Variants in RGS7 observed in about 807,000 individuals in gnomAD.
RGS7 encodes the protein regulator of G-protein signaling 7.
Under a neutral mutation model 81.1 loss-of-function variants are expected in RGS7, and 27 were observed. The ratio of observed to expected loss-of-function variants is 0.33; its 90% CI spans 0.25 to 0.46. The LOEUF is 0.46. Ranked by LOEUF, RGS7 falls within the 20% of genes least tolerant of loss-of-function variation. The pLI, the probability that RGS7 is intolerant of heterozygous loss-of-function variation, is 1.00. For synonymous variants in RGS7, 208 were observed against 207.7 expected (o/e 1.00, Z -0.01); for missense variants, 396 against 607.4 (o/e 0.65, Z 3.66).
intron 2 of RGS7, among the ~76,000 whole-genome samples, chr1:241,274,604 T>A (rs931460635): frequency 1.3e-5 from 2 of 152,184 alleles, no homozygotes; most frequent in Admixed American, 1.3e-4. Flanking sequence ...AAAAGTAAAC[T>A]CTAATGTATT....
At chr1:241,207,010 C>A (rs1023301684) in intron 2 of RGS7, among the ~76,000 whole-genome samples, 1 of 131,888 alleles carries the variant, frequency 7.6e-6, no homozygotes, top group Non-Finnish European at 1.6e-5. Context: ...GCTCTGTTGC[C>A]CAGGCTGGAG....
intron 3 of RGS7, among the ~76,000 whole-genome samples, chr1:241,015,647 T>A (rs2148673886): frequency 6.6e-6 from 1 of 152,326 alleles, no homozygotes; most frequent in East Asian, 1.9e-4. Context: ...CAATTTTGTA[T>A]TCCAATTTTA....
At chr1:241,108,213 G>A (rs2065258264) in intron 2 of RGS7, among the ~76,000 whole-genome samples, 1 of 144,986 alleles carries the variant, frequency 6.9e-6, no homozygotes, top group African/African-American at 2.6e-5. Flanking sequence ...TGAGGCAGAA[G>A]AATCGCTTGA....
At chr1:240,938,416 C>T (rs1433908903) in intron 4 of RGS7, among the ~76,000 whole-genome samples, 1 of 152,178 alleles carries the variant, frequency 6.6e-6, no homozygotes, top group East Asian at 1.9e-4. Flanking sequence ...ATATCTCCAG[C>T]CATCAACCAT....
At chr1:241,284,826 G>T (rs1000869466) in intron 2 of RGS7, among the ~76,000 whole-genome samples, 1 of 152,112 alleles carries the variant, frequency 6.6e-6, no homozygotes. Context: ...CTGGAGTAAA[G>T]TGGTTATTAT....
intron 2 of RGS7, chr1:241,132,366 G>A (rs926583550): frequency 6.5e-6 from 1 of 154,676 alleles, no homozygotes; most frequent in Non-Finnish European, 1.5e-5. Context: ...TTCATTTATG[G>A]AGCACCTATG....
chr1:240,836,622 A>G (rs979748825), intron 9 of RGS7, among the ~76,000 whole-genome samples: 13 of 152,224 alleles, frequency 8.5e-5, no homozygotes, highest in Non-Finnish European at 1.5e-4. Context: ...TTTACATACA[A>G]TGTTTGTATT....
intron 3 of RGS7, among the ~76,000 whole-genome samples, chr1:241,060,536 A>G (rs921776247): frequency 1.3e-5 from 2 of 152,152 alleles, no homozygotes; most frequent in African/African-American, 4.8e-5. Flanking sequence ...AGAAACTGAG[A>G]AGTTTCCCTA....
At chr1:241,343,514 C>T (rs1391804388) in intron 2 of RGS7, among the ~76,000 whole-genome samples, 1 of 152,162 alleles carries the variant, frequency 6.6e-6, no homozygotes, top group Non-Finnish European at 1.5e-5. Flanking sequence ...AATTCTGGCA[C>T]ATGTTACAAC....
chr1:240,946,451 T>TA (rs1678622872), intron 4 of RGS7, among the ~76,000 whole-genome samples: 1 of 151,812 alleles, frequency 6.6e-6, no homozygotes, highest in Admixed American at 6.6e-5. Context: ...AAAAGTTTCT[T>TA]AAAAAATTAG....
At chr1:240,822,266 T>C (rs558770966) in intron 10 of RGS7, among the ~76,000 whole-genome samples, 1 of 152,200 alleles carries the variant, frequency 6.6e-6, no homozygotes, top group Non-Finnish European at 1.5e-5. Flanking sequence ...TATTTACTCT[T>C]AAAAAAGAAG....
At chr1:240,919,452 A>T (rs1673138273) in intron 6 of RGS7, among the ~76,000 whole-genome samples, 1 of 152,216 alleles carries the variant, frequency 6.6e-6, no homozygotes, top group Admixed American at 6.5e-5. Context: ...AACCCATCAC[A>T]TCAACAGGCT....
At chr1:240,785,762 A>G (rs1294088624) in intron 18 of RGS7, among the ~76,000 whole-genome samples, 7 of 152,220 alleles carry the variant, frequency 4.6e-5, no homozygotes, top group Non-Finnish European at 8.8e-5. Flanking sequence ...CTAAGAAGGA[A>G]TTCAAGCTAG....
chr1:241,158,345 G>A (rs1017547387), intron 2 of RGS7, among the ~76,000 whole-genome samples: 1 of 152,108 alleles, frequency 6.6e-6, no homozygotes, highest in Admixed American at 6.5e-5. Context: ...AACATCCAAT[G>A]GGTGGATATT....
At chr1:241,178,806 G>T (rs2071366037) in intron 2 of RGS7, among the ~76,000 whole-genome samples, 1 of 152,204 alleles carries the variant, frequency 6.6e-6, no homozygotes, top group African/African-American at 2.4e-5. Context: ...TACTCAAGAT[G>T]TGTGGGATTA....
intron 18 of RGS7, among the ~76,000 whole-genome samples, chr1:240,780,119 T>C (rs895741411): frequency 1.3e-5 from 2 of 152,174 alleles, no homozygotes; most frequent in Non-Finnish European, 2.9e-5. Context: ...TGTGCATATA[T>C]ACCTATTCTG....
chr1:241,108,425 A>T (rs187562610), intron 2 of RGS7, among the ~76,000 whole-genome samples: 188 of 152,334 alleles, frequency 1.2e-3, no homozygotes, highest in African/African-American at 4.0e-3. Context: ...AGACGGAAGT[A>T]GCATGACCAA....
intron 3 of RGS7, chr1:240,998,767 T>C: frequency 1.4e-6 from 1 of 729,130 alleles, no homozygotes; most frequent in Non-Finnish European, 2.5e-6. Flanking sequence ...GCCAGGTAGA[T>C]GCAGGCGAGC....
intron 6 of RGS7, among the ~76,000 whole-genome samples, chr1:240,877,245 T>G (rs1009347488): frequency 2.0e-5 from 3 of 150,476 alleles, no homozygotes; most frequent in Non-Finnish European, 3.0e-5. Flanking sequence ...ATATATAAAG[T>G]AAAAAATATA....
Sources: allele counts gnomAD v4.1 joint callset (sites outside exome capture counted in the v4.1 genomes callset), GRCh38; gene constraint gnomAD v4.1.1; transcripts MANE v1.5; gene names NCBI Gene and HGNC (gene_info 2026-07-23, HGNC 2026-07-21).